The following CRACDL variants were observed in gnomAD, a reference collection of about 807,000 sequenced individuals.
CRACDL encodes CRACD-like protein.
Under a neutral mutation model 70.6 loss-of-function variants are expected in CRACDL, and 26 were observed. The ratio of observed to expected loss-of-function variants is 0.37; its 90% CI spans 0.27 to 0.51. The LOEUF (loss-of-function observed/expected upper bound fraction) is 0.51. Among genes scored for constraint, CRACDL ranks in the 20% least tolerant of loss-of-function variants. The pLI is 0.94. For synonymous variants in CRACDL, 618 were observed against 615.2 expected, an observed-to-expected ratio of 1.00 and a Z score of -0.07; for missense variants, 1,283 against 1,376.9, an observed-to-expected ratio of 0.93 and a Z score of 1.08.
chr2:98,901,917 G>A (rs1452211524), intron 1 of CRACDL, among the ~76,000 whole-genome samples: 4 of 152,148 alleles, frequency 2.6e-5, no homozygotes, highest in Non-Finnish European at 2.9e-5. Context: ...CGAGCCGGGC[G>A]AAGCAGTAAG....
intron 1 of CRACDL, among the ~76,000 whole-genome samples, chr2:98,917,106 T>C (rs1432185381): frequency 6.6e-6 from 1 of 152,226 alleles, no homozygotes; most frequent in Non-Finnish European, 1.5e-5. Flanking sequence ...CTATCCTTCC[T>C]GCCTTCTTCA....
chr2:98,931,405 C>T (rs747840912), intron 1 of CRACDL, among the ~76,000 whole-genome samples: 1 of 151,658 alleles, frequency 6.6e-6, no homozygotes, highest in Non-Finnish European at 1.5e-5. Flanking sequence ...AAGAAGGCAA[C>T]CTCTCTGACA....
intron 3 of CRACDL, among the ~76,000 whole-genome samples, chr2:98,833,339 G>C (rs1705626428): frequency 6.6e-6 from 1 of 152,272 alleles, no homozygotes; most frequent in Admixed American, 6.5e-5. Context: ...GAGGAGGCCT[G>C]TCCCGGCTGC....
rs116761743 is a variant in CRACDL at position 98,811,564 on chromosome 2, T to C, written c.2416+10293A>G. On this transcript the variant is annotated intron_variant, in intron 7 of 9. Transcript: ENST00000397899. ...AGAAAATTATTCTTACATTTATAGA[T>C]AGTAAAATTCACCCTTTGGTTGTAC... Among the ~76,000 whole-genome samples the C allele has an allele frequency of 6.6e-3, 946 of 143,988 alleles. 12 individuals are homozygous for C. The highest frequency in any genetic ancestry group is 0.025 in the South Asian group (109 of 4,348). The allele number at this position is 143,988 out of a possible 152,430, so 94.5% of individuals were successfully genotyped here. A position where few individuals can be genotyped will look rare whatever the true frequency, so the allele number is the denominator to read the frequency against.
intron 1 of CRACDL, among the ~76,000 whole-genome samples, chr2:98,882,695 T>G (rs1021221814): frequency 7.2e-5 from 11 of 152,158 alleles, no homozygotes; most frequent in African/African-American, 2.7e-4. Flanking sequence ...GAGTCCCAAC[T>G]CATTCCCTGA....
intron 2 of CRACDL, among the ~76,000 whole-genome samples, chr2:98,843,148 A>G (rs1448501327): frequency 6.6e-6 from 1 of 152,126 alleles, no homozygotes; most frequent in Non-Finnish European, 1.5e-5. Flanking sequence ...TAATGATTAT[A>G]GATATTGAGC....
At chr2:98,909,270 C>T (rs1708487314) in intron 1 of CRACDL, among the ~76,000 whole-genome samples, 1 of 152,154 alleles carries the variant, frequency 6.6e-6, no homozygotes, top group Non-Finnish European at 1.5e-5. Context: ...CATTTGATTC[C>T]CAGTGCTTCT....
chr2:98,829,634 T>A (rs1173008568), intron 5 of CRACDL, among the ~76,000 whole-genome samples: 1 of 152,182 alleles, frequency 6.6e-6, no homozygotes, highest in African/African-American at 2.4e-5. Flanking sequence ...AGCAGAGGAT[T>A]TAAAAGTCTA....
intron 1 of CRACDL, among the ~76,000 whole-genome samples, chr2:98,905,008 TG>T (rs1374991240): frequency 1.3e-5 from 2 of 151,440 alleles, no homozygotes; most frequent in Admixed American, 6.6e-5. Context: ...CCCAGCACTT[TG>T]GGAGGCTGAG....
At chr2:98,861,208 G>A (rs1379654431) in intron 1 of CRACDL, among the ~76,000 whole-genome samples, 4 of 152,136 alleles carry the variant, frequency 2.6e-5, no homozygotes, top group South Asian at 4.1e-4. Flanking sequence ...TTAGCTGGGC[G>A]TGGTGGTGCA....
intron 1 of CRACDL, among the ~76,000 whole-genome samples, chr2:98,883,982 T>G (rs1558621958): frequency 6.6e-6 from 1 of 152,122 alleles, no homozygotes; most frequent in Non-Finnish European, 1.5e-5. Flanking sequence ...CCTAACTCAC[T>G]GGGATTCAGA....
intron 1 of CRACDL, among the ~76,000 whole-genome samples, chr2:98,927,502 A>G (rs754390849): frequency 2.8e-4 from 30 of 107,058 alleles, no homozygotes; most frequent in East Asian, 5.7e-4. Context: ...TCTCTTGGGG[A>G]AAAAAAAAAA....
intron 2 of CRACDL, among the ~76,000 whole-genome samples, chr2:98,845,165 G>C (rs930942534): frequency 1.3e-4 from 20 of 151,120 alleles, no homozygotes; most frequent in African/African-American, 3.2e-4. Flanking sequence ...GTCTCTCCAG[G>C]TTGCCATTTT....
At chr2:98,821,267 G>A (rs1390783069) in intron 7 of CRACDL, among the ~76,000 whole-genome samples, 1 of 152,156 alleles carries the variant, frequency 6.6e-6, no homozygotes, top group African/African-American at 2.4e-5. Flanking sequence ...GTTCACTGCA[G>A]CCTTGAACTC....
At chr2:98,883,124 T>C (rs943995959) in intron 1 of CRACDL, among the ~76,000 whole-genome samples, 1 of 152,162 alleles carries the variant, frequency 6.6e-6, no homozygotes, top group Non-Finnish European at 1.5e-5. Flanking sequence ...GCAAGGTCCT[T>C]GGATAGAAAG....
intron 1 of CRACDL, among the ~76,000 whole-genome samples, chr2:98,906,595 T>C (rs1298984461): frequency 1.3e-5 from 2 of 152,198 alleles, no homozygotes; most frequent in Non-Finnish European, 2.9e-5. Flanking sequence ...TGAGATAATA[T>C]ATATTCTAGC....
chr2:98,831,974 C>T (rs1378827626), intron 5 of CRACDL, among the ~76,000 whole-genome samples: 2 of 152,082 alleles, frequency 1.3e-5, no homozygotes, highest in Non-Finnish European at 2.9e-5. Flanking sequence ...CACTACTTCC[C>T]CCTCCCACCG....
chr2:98,869,104 A>T, intron 1 of CRACDL: 1 of 1,304,312 alleles, frequency 7.7e-7, no homozygotes, highest in Non-Finnish European at 1.0e-6. Context: ...TGCACTGGTA[A>T]AAGGCAGCCA....
chr2:98,818,481 A>G (rs1704882805), intron 7 of CRACDL, among the ~76,000 whole-genome samples: 2 of 152,230 alleles, frequency 1.3e-5, no homozygotes, highest in African/African-American at 4.8e-5. Context: ...GAACACTTCA[A>G]TCATCCAACT....
Sources: allele counts gnomAD v4.1 joint callset (sites outside exome capture counted in the v4.1 genomes callset), GRCh38; gene constraint gnomAD v4.1.1; transcripts MANE v1.5; gene names NCBI Gene and HGNC (gene_info 2026-07-23, HGNC 2026-07-21).